TAPT1: variants seen among roughly 807,000 people sequenced by gnomAD.
TAPT1 encodes the protein transmembrane anterior posterior transformation 1.
TAPT1 carries 28 observed loss-of-function variants against 65.6 expected under a neutral mutation model. The ratio of observed to expected loss-of-function variants is 0.43; its 90% CI spans 0.32 to 0.59. The LOEUF is 0.59. Among genes scored for constraint, TAPT1 ranks in the 20% least tolerant of loss-of-function variants. The probability of loss-of-function intolerance (pLI) is 0.09; values close to 1 mark genes in which losing one functional copy is unlikely to be tolerated. For missense variants in TAPT1, 563 were observed against 679.9 expected (o/e 0.83, Z 1.91); for synonymous variants, 278 against 245.2 (o/e 1.13, Z -1.25).
chr4:16,160,827 G>A lies in TAPT1; in HGVS notation c.*2481C>T, dbSNP rs1246127151. 3 of 152,640 alleles carry A rather than the reference G, an allele frequency of 2.0e-5. No individual in the cohort carries two copies. Among genetic ancestry groups the A allele is most frequent in the Admixed American group, 6.5e-5 (1 of 15,284 alleles). The allele number at this position is 152,640 out of a possible 1,614,324, so 9.5% of individuals were successfully genotyped here. A position where few individuals can be genotyped will look rare whatever the true frequency, so the allele number is the denominator to read the frequency against. On this transcript the variant is annotated 3_prime_UTR_variant, in exon 14 of 14. Coordinates refer to ENST00000405303, the MANE Select transcript of TAPT1 (RefSeq NM_153365.3). Reference sequence around the variant, plus strand: ...GATATATTTTGATGGCCTAATTATAGCAAGTTTCTTTCACTTTATGTAACA... The same window carrying A: ...GATATATTTTGATGGCCTAATTATAACAAGTTTCTTTCACTTTATGTAACA...
chr4:16,226,081 T>A (rs957457607), intron 1 of TAPT1, 178 bp downstream of exon 1: 37 of 1,022,750 alleles, frequency 3.6e-5, no homozygotes, highest in Non-Finnish European at 4.3e-5. Flanking sequence ...CCCGAGGAAC[T>A]GTCAACGGCC....
At chr4:16,209,251 T>C (rs1456712463) in intron 2 of TAPT1, among the ~76,000 whole-genome samples, 1 of 152,156 alleles carries the variant, frequency 6.6e-6, no homozygotes, top group Non-Finnish European at 1.5e-5. Context: ...TAGGCACACT[T>C]CCCCTTCTCT....
intron 12 of TAPT1, 112 bp downstream of exon 12, chr4:16,170,541 G>T: frequency 1.5e-6 from 1 of 670,974 alleles, no homozygotes; most frequent in Non-Finnish European, 2.5e-6. Context: ...CTGTTGAATG[G>T]AAACCCCTGG....
chr4:16,172,293 T>C (rs1417569462), intron 11 of TAPT1, among the ~76,000 whole-genome samples: 2 of 151,682 alleles, frequency 1.3e-5, no homozygotes, highest in Non-Finnish European at 2.9e-5. Context: ...ACTAGACAAA[T>C]AAGTCAATTA....
Position 16,166,631 on chromosome 4 carries a change from AC to A in TAPT1, c.1474+1del. On this transcript the variant is annotated splice_donor_variant, in intron 13 of 13. Coordinates refer to ENST00000405303, the MANE Select transcript of TAPT1 (RefSeq NM_153365.3). LOFTEE classifies it high-confidence loss of function. ...GGAAGTGAAGAAAGGGACCAAACCTACCTTGAGAGGGTTTACATTTGTTCTG... is the reference window on the plus strand; with the variant it reads ...GGAAGTGAAGAAAGGGACCAAACCTACTTGAGAGGGTTTACATTTGTTCTG... 1 of 1,613,548 alleles carries A rather than the reference AC, an allele frequency of 6.2e-7. No individual in the cohort carries two copies. The highest frequency in any genetic ancestry group is 8.5e-7 in the Non-Finnish European group (1 of 1,179,528).
intron 3 of TAPT1, among the ~76,000 whole-genome samples, chr4:16,194,273 T>C (rs1749556326): frequency 6.6e-6 from 1 of 152,244 alleles, no homozygotes. Context: ...TGGCAAGCAC[T>C]GTTCTAGACA....
rs11941667 is a variant in TAPT1 at position 16,166,265 on chromosome 4, G to A, written c.1474+368C>T. 3.8e-3 allele frequency among the ~76,000 whole-genome samples: 581 copies of A among 152,232 alleles called. 5 individuals are homozygous for A. The highest frequency in any genetic ancestry group is 0.012 in the African/African-American group (489 of 41,524). On this transcript the variant is annotated intron_variant, in intron 13 of 13. Transcript: ENST00000405303. ...CTCCCTGTTGTACTTCCCTTTCCCC[G>A]TCCTGCTTTTGTTTTCTCTGCAGTT...
intron 1 of TAPT1, chr4:16,225,842 G>A (rs1560197181): frequency 4.1e-6 from 4 of 981,944 alleles, no homozygotes; most frequent in Non-Finnish European, 4.8e-6. Context: ...TATGGCTCAA[G>A]TTTGCTTAAA....
chr4:16,213,890 A>G lies in TAPT1; in HGVS notation c.208T>C (p.Leu70=). ...AGTTCAGCACTGAGGAACCTCAACA[A>G]TGAAAGCTCTACAGAAAAGAAAATG... ...ERRRGRTELS[L]LRFLSAELTR... Residue 70 remains leucine (L), a synonymous_variant, in exon 2 of 14, where the codon TTG becomes CTG. Coordinates refer to ENST00000405303, the MANE Select transcript of TAPT1 (RefSeq NM_153365.3). 6.3e-7 allele frequency: 1 copy of G among 1,592,412 alleles called. No homozygotes were observed.
chr4:16,207,246 C>A lies in TAPT1; in HGVS notation c.331-4666G>T, dbSNP rs1436819272. Among the ~76,000 whole-genome samples the A allele has an allele frequency of 2.6e-5, 4 of 152,258 alleles. No individual in the cohort carries two copies. The East Asian group carries it at 7.7e-4, about 29-fold the overall frequency. On this transcript the variant is annotated intron_variant, in intron 2 of 13. Coordinates refer to ENST00000405303, the MANE Select transcript of TAPT1 (RefSeq NM_153365.3). ...ACTAGGATGCCCAAGAAAACACTGC[C>A]ATAAATATGGGTCTGAGTAAATACT...
chr4:16,188,758 A>G (rs1749174573), intron 4 of TAPT1, among the ~76,000 whole-genome samples: 1 of 152,092 alleles, frequency 6.6e-6, no homozygotes, highest in Non-Finnish European at 1.5e-5. Flanking sequence ...GTCTCTACTA[A>G]AAATACAAAA....
intron 7 of TAPT1, among the ~76,000 whole-genome samples, chr4:16,181,306 T>C (rs1233398803): frequency 6.6e-6 from 1 of 152,244 alleles, no homozygotes; most frequent in Non-Finnish European, 1.5e-5. Context: ...TTTTGATACT[T>C]CCCAAACATG....
intron 5 of TAPT1, among the ~76,000 whole-genome samples, chr4:16,187,630 G>A (rs747565498): frequency 6.6e-6 from 1 of 151,934 alleles, no homozygotes; most frequent in Admixed American, 6.6e-5. Flanking sequence ...TCATTCTTGT[G>A]AATGAGTCCT....
intron 2 of TAPT1, 52 bp from the exon 3 acceptor site, chr4:16,202,632 G>A (rs1015183518): frequency 9.9e-7 from 1 of 1,007,020 alleles, no homozygotes; most frequent in Non-Finnish European, 1.5e-6. Flanking sequence ...AAAAATACTT[G>A]TAGATGAAAA....
At chr4:16,189,835 CAG>C (rs1435922926) in intron 4 of TAPT1, among the ~76,000 whole-genome samples, 2 of 152,174 alleles carry the variant, frequency 1.3e-5, no homozygotes, top group African/African-American at 4.8e-5. Context: ...CTTTGTAAGT[CAG>C]GGGACAGGGA....
chr4:16,195,301 A>G (rs1749637252), intron 3 of TAPT1, among the ~76,000 whole-genome samples: 1 of 152,174 alleles, frequency 6.6e-6, no homozygotes, highest in Admixed American at 6.5e-5. Flanking sequence ...CTGCCATTCA[A>G]CCCCGAACTG....
In TAPT1 at chr4:16,202,500, T is replaced by C. The variant is rs1427515745; in HGVS notation, c.411A>G (p.Ala137=). Residue 137 remains alanine (A), a synonymous_variant, in exon 3 of 14, where the codon GCA becomes GCG. Coordinates refer to ENST00000405303, the MANE Select transcript of TAPT1 (RefSeq NM_153365.3). ...AAGGCAAAGTGAGGAGCCTGAATAGTGCCAGGAAAACTCTTAAAGGAAGCA... is the reference window on the plus strand; with the variant it reads ...AAGGCAAAGTGAGGAGCCTGAATAGCGCCAGGAAAACTCTTAAAGGAAGCA... The part of the protein sequence containing the change: ...FTLLPLRVFL[A]LFRLLTLPCY... 1.9e-6 allele frequency: 3 copies of C among 1,552,458 alleles called. No homozygotes were observed. The highest frequency in any genetic ancestry group is 2.6e-6 in the Non-Finnish European group (3 of 1,147,592).
intron 13 of TAPT1, among the ~76,000 whole-genome samples, chr4:16,164,101 T>C (rs1747424773): frequency 6.6e-6 from 1 of 152,198 alleles, no homozygotes; most frequent in Non-Finnish European, 1.5e-5. Context: ...GGCTGGGGCC[T>C]GGAGAGACTC....
intron 3 of TAPT1, among the ~76,000 whole-genome samples, chr4:16,200,923 T>C (rs1473577505): frequency 6.6e-6 from 1 of 152,184 alleles, no homozygotes; most frequent in African/African-American, 2.4e-5. Flanking sequence ...GAAAAAAGGA[T>C]GTACTAGAAA....
Sources: allele counts gnomAD v4.1 joint callset (sites outside exome capture counted in the v4.1 genomes callset), GRCh38; gene constraint gnomAD v4.1.1; transcripts MANE v1.5; gene names NCBI Gene and HGNC (gene_info 2026-07-23, HGNC 2026-07-21).